The following NOD1 variants were observed in gnomAD, a reference collection of about 807,000 sequenced individuals.
NOD1 encodes the protein nucleotide-binding oligomerization domain-containing protein 1.
NOD1 carries 70 observed loss-of-function variants against 81.2 expected under a neutral mutation model. That is an observed-to-expected ratio of 0.86 (90% CI 0.71 to 1.05). The LOEUF (loss-of-function observed/expected upper bound fraction) is 1.05, where lower values mean the gene tolerates loss of function less well. Among genes scored for constraint, NOD1 ranks in the 50% least tolerant of loss-of-function variants. NOD1 has a pLI of 0.00. For missense variants in NOD1, 1,233 were observed against 1,228.0 expected (o/e 1.00, Z -0.06); for synonymous variants, 508 against 526.9 (o/e 0.96, Z 0.49).
At chr7:30,445,262 A>T (rs1218540229) in intron 9 of NOD1, among the ~76,000 whole-genome samples, 3 of 119,954 alleles carry the variant, frequency 2.5e-5, no homozygotes, top group Non-Finnish European at 3.3e-5. Flanking sequence ...AGAGTATAAT[A>T]AAAAAAAAAA....
intron 1 of NOD1, among the ~76,000 whole-genome samples, chr7:30,461,939 C>T (rs1195912857): frequency 6.6e-6 from 1 of 152,126 alleles, no homozygotes; most frequent in African/African-American, 2.4e-5. Flanking sequence ...GCGGTTTCAC[C>T]GTGTTAGCCA....
At chr7:30,460,488 T>G (rs1351398591) in intron 1 of NOD1, 2 of 985,142 alleles carry the variant, frequency 2.0e-6, no homozygotes, top group Non-Finnish European at 2.4e-6. Flanking sequence ...AGGCCAGTGG[T>G]GCAGACCAAT....
At chr7:30,448,211 T>A in intron 7 of NOD1, 87 bp downstream of exon 7, 2 of 1,122,308 alleles carry the variant, frequency 1.8e-6, no homozygotes, top group Non-Finnish European at 2.7e-6. Context: ...TCCGTGCCGA[T>A]CATCCAGGGA....
intron 1 of NOD1, among the ~76,000 whole-genome samples, chr7:30,470,916 C>T (rs1788209910): frequency 6.6e-6 from 1 of 152,066 alleles, no homozygotes; most frequent in South Asian, 2.1e-4. Flanking sequence ...ACAGAAGTGG[C>T]CGATCTGGAA....
At chr7:30,462,952 A>AAG (rs1312067681) in intron 1 of NOD1, among the ~76,000 whole-genome samples, 2 of 151,450 alleles carry the variant, frequency 1.3e-5, no homozygotes, top group Non-Finnish European at 2.9e-5. Context: ...CCATCTCAAA[A>AAG]AAAAAAAAAA....
chr7:30,458,705 C>A (rs964764036), intron 3 of NOD1, among the ~76,000 whole-genome samples: 1 of 151,680 alleles, frequency 6.6e-6, no homozygotes, highest in Non-Finnish European at 1.5e-5. Flanking sequence ...AGTTATTGTT[C>A]CAATAAAAGT....
intron 1 of NOD1, chr7:30,468,985 C>G: frequency 1.0e-6 from 1 of 985,462 alleles, no homozygotes; most frequent in Non-Finnish European, 1.2e-6. Context: ...CCAACAGCAT[C>G]TGGCAGGAGC....
At chr7:30,462,105 G>A (rs1457640181) in intron 1 of NOD1, among the ~76,000 whole-genome samples, 2 of 152,180 alleles carry the variant, frequency 1.3e-5, no homozygotes, top group Non-Finnish European at 2.9e-5. Context: ...GGTTAAAGAC[G>A]TGAGGTCACT....
chr7:30,456,430 T>C (rs972373498), intron 4 of NOD1, among the ~76,000 whole-genome samples: 4 of 152,162 alleles, frequency 2.6e-5, no homozygotes, highest in Non-Finnish European at 4.4e-5. Flanking sequence ...CTTATGCTTA[T>C]GTTCTTTTTC....
intron 9 of NOD1, among the ~76,000 whole-genome samples, chr7:30,438,027 G>A (rs765465680): frequency 6.6e-6 from 1 of 152,236 alleles, no homozygotes; most frequent in Non-Finnish European, 1.5e-5. Context: ...GCAGAGTCCT[G>A]GAGGGAAGGC....
At chr7:30,459,827 G>C (rs1012043272) in intron 2 of NOD1, 74 bp downstream of exon 2, 2 of 152,620 alleles carry the variant, frequency 1.3e-5, no homozygotes, top group African/African-American at 2.4e-5. Context: ...GCTGGGAAGG[G>C]GTGTTGCACA....
intron 13 of NOD1, among the ~76,000 whole-genome samples, chr7:30,429,042 G>A (rs991938170): frequency 2.6e-5 from 4 of 152,148 alleles, no homozygotes; most frequent in African/African-American, 4.8e-5. Context: ...GAGTCCCAGG[G>A]GGATTTACTT....
intron 11 of NOD1, among the ~76,000 whole-genome samples, chr7:30,435,661 C>T (rs1249127958): frequency 2.6e-5 from 4 of 152,094 alleles, no homozygotes; most frequent in Non-Finnish European, 4.4e-5. Context: ...GACCTAAACC[C>T]TCCAAAATGA....
chr7:30,428,358 G>A (rs570412701), intron 13 of NOD1: 196 of 148,512 alleles, frequency 1.3e-3, no homozygotes, highest in African/African-American at 4.8e-3. Flanking sequence ...ACCATGCCTA[G>A]CCAACAGTGT....
Position 30,452,279 on chromosome 7 carries a change from C to T in NOD1, c.1138G>A (p.Ala380Thr), listed in dbSNP as rs772433327. ...CACAGGCTGCAGAGGTTGGGGTTGG[C>T]CTCCAGCTGGCTCAGCAGGCGGTCC... is the stretch of plus-strand genomic sequence containing the variant. ...LQDRLLSQLE[A>T]NPNLCSLCSV... The change falls in exon 6 of 14, where the codon GCC becomes ACC. Residue 380 changes from alanine (A) to threonine (T), a missense_variant. By Grantham distance (58) the Ala-to-Thr change is moderately conservative (BLOSUM62 0). Transcript: ENST00000222823. The T allele has an allele frequency of 6.2e-7, 1 of 1,613,464 alleles. No individual in the cohort carries two copies. Among genetic ancestry groups the T allele is most frequent in the Admixed American group, 1.7e-5 (1 of 60,028 alleles).
rs535884626 is a variant in NOD1 at position 30,424,990 on chromosome 7, A to C, written c.*648T>G. Reference sequence around the variant, plus strand: ...GGGCATTCTCTATCTTTGCCAGCAGACAGTGAGACTCCAGGATTAAAATTA... The same window carrying C: ...GGGCATTCTCTATCTTTGCCAGCAGCCAGTGAGACTCCAGGATTAAAATTA... On this transcript the variant is annotated 3_prime_UTR_variant, in exon 14 of 14. Coordinates refer to ENST00000222823, the MANE Select transcript of NOD1 (RefSeq NM_006092.4). The C allele has an allele frequency of 6.6e-6, 1 of 152,446 alleles. No homozygotes were observed. Among genetic ancestry groups the C allele is most frequent in the Non-Finnish European group, 1.5e-5 (1 of 68,270 alleles). The allele number at this position is 152,446 out of a possible 1,614,324, so 9.4% of individuals were successfully genotyped here. A position where few individuals can be genotyped will look rare whatever the true frequency, so the allele number is the denominator to read the frequency against.
intron 1 of NOD1, among the ~76,000 whole-genome samples, chr7:30,463,354 A>G (rs889696764): frequency 6.6e-5 from 10 of 152,130 alleles, no homozygotes; most frequent in African/African-American, 2.4e-4. Context: ...TAAAATGAAC[A>G]CTAAATAGAG....
chr7:30,429,498 G>T (rs1783760426), intron 12 of NOD1, 41 bp from the exon 13 acceptor site: 1 of 1,569,238 alleles, frequency 6.4e-7, no homozygotes, highest in Non-Finnish European at 8.8e-7. Flanking sequence ...CATAATACTG[G>T]ATCAAATTTG....
chr7:30,426,904 C>A (rs1216755375), intron 13 of NOD1, among the ~76,000 whole-genome samples: 1 of 152,226 alleles, frequency 6.6e-6, no homozygotes, highest in Non-Finnish European at 1.5e-5. Flanking sequence ...GCTGCTTCCT[C>A]AGAGAGGCCT....
Sources: gnomAD v4.1 joint callset for allele counts (sites outside exome capture counted in the v4.1 genomes callset) on GRCh38, gnomAD v4.1.1 for gene constraint, MANE v1.5 for transcripts, NCBI Gene and HGNC (gene_info 2026-07-23, HGNC 2026-07-21) for gene names.